The following CNTN5 variants were observed in gnomAD, a reference collection of about 807,000 sequenced individuals.
The protein encoded by CNTN5 is contactin 5.
Under a neutral mutation model 129.1 loss-of-function variants are expected in CNTN5, and 77 were observed. The observed-to-expected ratio is 0.60, with a 90% CI of 0.50 to 0.72. CNTN5 has a LOEUF of 0.72. Among genes scored for constraint, CNTN5 ranks in the 30% least tolerant of loss-of-function variants. The pLI, the probability that CNTN5 is intolerant of heterozygous loss-of-function variation, is 0.00. For missense variants in CNTN5, 1,478 were observed against 1,328.8 expected (o/e 1.11, Z -1.75); for synonymous variants, 509 against 465.6 (o/e 1.09, Z -1.20).
chr11:99,616,041 T>C (rs2135745561), intron 3 of CNTN5, among the ~76,000 whole-genome samples: 1 of 152,248 alleles, frequency 6.6e-6, no homozygotes, highest in East Asian at 1.9e-4. Context: ...TGGCCTAGAT[T>C]TCACATGTTC....
chr11:99,999,251 T>A (rs9795124), intron 8 of CNTN5, among the ~76,000 whole-genome samples: 4,348 of 152,244 alleles, frequency 0.029, 192 homozygotes, highest in East Asian at 0.19. Context: ...TTTCACAACC[T>A]ACTCATCTGA....
At chr11:100,206,176 G>A (rs1591392076) in intron 15 of CNTN5, among the ~76,000 whole-genome samples, 1 of 152,090 alleles carries the variant, frequency 6.6e-6, no homozygotes, top group East Asian at 1.9e-4. Context: ...TAAACCAAAT[G>A]TTACCTGTGC....
intron 6 of CNTN5, among the ~76,000 whole-genome samples, chr11:99,862,044 A>G (rs1948222192): frequency 6.6e-6 from 1 of 152,218 alleles, no homozygotes; most frequent in South Asian, 2.1e-4. Context: ...TAATCTAATT[A>G]CATACAATAT....
At chr11:99,867,416 T>C (rs1319226342) in intron 6 of CNTN5, among the ~76,000 whole-genome samples, 1 of 152,170 alleles carries the variant, frequency 6.6e-6, no homozygotes, top group East Asian at 1.9e-4. Flanking sequence ...GCAAATGTAT[T>C]ATCTTAAAAT....
At chr11:99,753,794 TCTC>T (rs1944318266) in intron 3 of CNTN5, among the ~76,000 whole-genome samples, 1 of 150,186 alleles carries the variant, frequency 6.7e-6, no homozygotes, top group East Asian at 2.0e-4. Flanking sequence ...TTCATGCAAT[TCTC>T]ATGCCTCAGC....
chr11:99,836,748 CA>C (rs1565587300), intron 4 of CNTN5, among the ~76,000 whole-genome samples: 1 of 152,174 alleles, frequency 6.6e-6, no homozygotes, highest in Non-Finnish European at 1.5e-5. Context: ...AACTAGTTTA[CA>C]GTCTCACCAA....
chr11:99,075,626 T>C (rs1273653649), intron 1 of CNTN5, among the ~76,000 whole-genome samples: 1 of 152,222 alleles, frequency 6.6e-6, no homozygotes, highest in African/African-American at 2.4e-5. Context: ...TTCTCTCTCC[T>C]ATAAATATTA....
intron 4 of CNTN5, 64 bp from the exon 5 acceptor site, chr11:99,844,787 GA>G (rs950241036): frequency 5.3e-6 from 8 of 1,503,126 alleles, no homozygotes; most frequent in African/African-American, 1.4e-5. Context: ...AGATGGAAAA[GA>G]AAAAAACACA....
At chr11:99,073,042 AGTT>A (rs747047300) in intron 1 of CNTN5, among the ~76,000 whole-genome samples, 1 of 152,104 alleles carries the variant, frequency 6.6e-6, no homozygotes, top group Non-Finnish European at 1.5e-5. Flanking sequence ...TCATCTTTGC[AGTT>A]GTTGTGACAT....
chr11:100,039,664 G>C (rs1351789491), intron 9 of CNTN5, among the ~76,000 whole-genome samples: 1 of 152,018 alleles, frequency 6.6e-6, no homozygotes, highest in Admixed American at 6.6e-5. Context: ...GGCTTTGTTT[G>C]TTTCTTTTTG....
intron 16 of CNTN5, among the ~76,000 whole-genome samples, chr11:100,237,575 A>T (rs183842552): frequency 1.3e-5 from 2 of 152,306 alleles, no homozygotes; most frequent in East Asian, 3.9e-4. Context: ...CGTTTCACTA[A>T]GTACTCCTTA....
rs148866610 is a variant in CNTN5 at position 99,218,669 on chromosome 11, C to G, written c.-209-106677C>G. Among the ~76,000 whole-genome samples, 197 of 152,234 alleles carry G rather than the reference C, an allele frequency of 1.3e-3. 1 individual carries two copies. The highest frequency in any genetic ancestry group is 4.5e-3 in the African/African-American group (185 of 41,568). On this transcript the variant is annotated intron_variant, in intron 1 of 24. Transcript: ENST00000524871. ...TGGGATAAAGATAGCTAGCTGTTCA[C>G]AAATACCTATTTTACTCTTCTGTAG...
rs534722201 is a variant in CNTN5 at position 99,951,160 on chromosome 11, C to T, written c.674-5646C>T. On this transcript the variant is annotated intron_variant, in intron 7 of 24. Transcript: ENST00000524871. ...TAGGTCATGCAGCCATCTTTGAATG[C>T]CTGGTCTCTGTGATTTTGAAGTCCA... Among the ~76,000 whole-genome samples the T allele has an allele frequency of 2.0e-5, 3 of 151,990 alleles. No homozygotes were observed. In the South Asian group the frequency reaches 6.2e-4, roughly 32 times the overall value.
At chr11:99,296,654 G>A (rs1357741248) in intron 1 of CNTN5, among the ~76,000 whole-genome samples, 1 of 152,180 alleles carries the variant, frequency 6.6e-6, no homozygotes, top group Non-Finnish European at 1.5e-5. Context: ...TTAGGGTGGA[G>A]CCCTTGGAAA....
At chr11:100,333,256 T>C (rs1404424671) in intron 21 of CNTN5, among the ~76,000 whole-genome samples, 3 of 151,826 alleles carry the variant, frequency 2.0e-5, no homozygotes, top group East Asian at 3.9e-4. Flanking sequence ...AACAAAACAC[T>C]GCTGAAAGAA....
At chr11:99,295,290 A>T (rs913052735) in intron 1 of CNTN5, among the ~76,000 whole-genome samples, 14 of 152,356 alleles carry the variant, frequency 9.2e-5, no homozygotes, top group Non-Finnish European at 1.3e-4. Flanking sequence ...AAATATTGTA[A>T]TCTACATTTG....
intron 15 of CNTN5, among the ~76,000 whole-genome samples, chr11:100,214,798 A>G (rs1159663893): frequency 2.0e-5 from 3 of 152,202 alleles, no homozygotes; most frequent in Non-Finnish European, 4.4e-5. Context: ...CTGCTGTACA[A>G]GTACTCCAAA....
At chr11:99,763,874 CAAAATAGAATG>C (rs1267588485) in intron 3 of CNTN5, among the ~76,000 whole-genome samples, 4 of 151,690 alleles carry the variant, frequency 2.6e-5, no homozygotes, top group African/African-American at 9.7e-5. Flanking sequence ...ATTCTATGGG[CAAAATAGAATG>C]AGAATGTTAG....
intron 7 of CNTN5, among the ~76,000 whole-genome samples, chr11:99,952,746 C>A (rs955380480): frequency 6.6e-6 from 1 of 151,736 alleles, no homozygotes; most frequent in African/African-American, 2.4e-5. Context: ...TGATTTTTGG[C>A]AAATGAAACA....
Sources: gnomAD v4.1 joint callset for allele counts (sites outside exome capture counted in the v4.1 genomes callset) on GRCh38, gnomAD v4.1.1 for gene constraint, MANE v1.5 for transcripts, NCBI Gene and HGNC (gene_info 2026-07-23, HGNC 2026-07-21) for gene names.